Variants in ABCA13 observed in about 807,000 individuals in gnomAD.
ABCA13 encodes ATP binding cassette subfamily A member 13.
ABCA13 carries 476 observed loss-of-function variants against 478.7 expected under a neutral mutation model. That is an observed-to-expected ratio of 0.99 (90% CI 0.92 to 1.07). ABCA13 has a LOEUF of 1.07. ABCA13 is among the 50% of genes least tolerant of loss of function. ABCA13 has a pLI of 0.00. For synonymous variants in ABCA13, 2,252 were observed against 2,158.9 expected (o/e 1.04, Z -1.20); for missense variants, 6,060 against 5,910.6 (o/e 1.03, Z -0.83).
intron 46 of ABCA13, among the ~76,000 whole-genome samples, chr7:48,481,494 T>C (rs1828754294): frequency 6.6e-6 from 1 of 152,230 alleles, no homozygotes. Context: ...GGGGAAATCC[T>C]ATCAATTGAG....
Position 48,528,269 on chromosome 7 carries a change from AAG to A in ABCA13, c.14281_14282del (p.Ser4761HisfsTer9). ...ACTTCTAGGGGTGAATGGAGCTGGGAAGAGCACGACTTTCAAAATGCTGAATG... is the reference window on the plus strand; with the variant it reads ...ACTTCTAGGGGTGAATGGAGCTGGGAAGCACGACTTTCAAAATGCTGAATG... ...FGLLGVNGAG[K>X]STTFKMLNGE... On this transcript the variant is annotated frameshift_variant, in exon 55 of 62. Transcript: ENST00000435803. LOFTEE classifies it high-confidence loss of function. 6.3e-7 allele frequency: 1 copy of A among 1,578,744 alleles called. No homozygotes were observed. Among genetic ancestry groups the A allele is most frequent in the Non-Finnish European group, 8.6e-7 (1 of 1,161,026 alleles).
At chr7:48,632,996 C>A (rs1395458259) in intron 59 of ABCA13, among the ~76,000 whole-genome samples, 1 of 152,166 alleles carries the variant, frequency 6.6e-6, no homozygotes, top group Non-Finnish European at 1.5e-5. Flanking sequence ...AGGGATAAAT[C>A]TTCATGACCT....
At chr7:48,305,854 T>C (rs1370365507) in intron 23 of ABCA13, among the ~76,000 whole-genome samples, 2 of 152,194 alleles carry the variant, frequency 1.3e-5, no homozygotes, top group African/African-American at 4.8e-5. Context: ...TAAGCCCCCT[T>C]ACAGCTTTCC....
At chr7:48,614,494 A>G (rs1792349783) in intron 58 of ABCA13, among the ~76,000 whole-genome samples, 1 of 151,208 alleles carries the variant, frequency 6.6e-6, no homozygotes, top group Non-Finnish European at 1.5e-5. Flanking sequence ...TCAGGGATCT[A>G]GAACTAGAAA....
At chr7:48,487,374 A>G (rs140918473) in intron 47 of ABCA13, among the ~76,000 whole-genome samples, 47 of 152,044 alleles carry the variant, frequency 3.1e-4, no homozygotes, top group Non-Finnish European at 5.6e-4. Context: ...CTCAGAATCT[A>G]CAAAGGGTGA....
At chr7:48,202,342 T>G (rs1378199011) in intron 3 of ABCA13, among the ~76,000 whole-genome samples, 2 of 152,096 alleles carry the variant, frequency 1.3e-5, no homozygotes, top group Non-Finnish European at 2.9e-5. Flanking sequence ...TCAGATTAGT[T>G]AGATACAGAG....
rs1478347623 is a variant in ABCA13 at position 48,244,586 on chromosome 7, C to T, written c.1273C>T (p.Leu425=). Residue 425 remains leucine, a synonymous_variant, in exon 11 of 62, where the codon CTG becomes TTG. Coordinates refer to ENST00000435803, the MANE Select transcript of ABCA13 (RefSeq NM_152701.5). ...NHTFPKILQH[L]WKLQSLLQNL... ...TATTTTTGCCCTCAGATTACAGCATCTGTGGAAATTGCAAAGCTTGCTGCA... is the reference window on the plus strand; with the variant it reads ...TATTTTTGCCCTCAGATTACAGCATTTGTGGAAATTGCAAAGCTTGCTGCA... 4.3e-6 allele frequency: 7 copies of T among 1,613,078 alleles called. No individual in the cohort carries two copies. In the Admixed American group the frequency reaches 8.3e-5, roughly 19 times the overall value.
intron 42 of ABCA13, among the ~76,000 whole-genome samples, chr7:48,433,191 G>A (rs922123843): frequency 6.6e-6 from 1 of 151,842 alleles, no homozygotes; most frequent in East Asian, 1.9e-4. Flanking sequence ...ATCTTTGGAA[G>A]GGTAAAAAGA....
intron 35 of ABCA13, among the ~76,000 whole-genome samples, chr7:48,385,139 T>C (rs1814981474): frequency 6.6e-6 from 1 of 152,170 alleles, no homozygotes; most frequent in Non-Finnish European, 1.5e-5. Context: ...CTTTATGTAT[T>C]TATTTTTTTG....
chr7:48,491,907 C>G (rs941211756), intron 48 of ABCA13, among the ~76,000 whole-genome samples: 27 of 152,164 alleles, frequency 1.8e-4, no homozygotes, highest in Admixed American at 1.2e-3. Context: ...GTGTCTTGCT[C>G]CCTGTTCGTC....
At chr7:48,570,526 T>C (rs1302201693) in intron 55 of ABCA13, among the ~76,000 whole-genome samples, 1 of 151,896 alleles carries the variant, frequency 6.6e-6, no homozygotes, top group Non-Finnish European at 1.5e-5. Context: ...GGTTTCACCA[T>C]GTTAGCCAGG....
intron 59 of ABCA13, among the ~76,000 whole-genome samples, chr7:48,616,904 G>A (rs1792633217): frequency 6.6e-6 from 1 of 152,076 alleles, no homozygotes; most frequent in Non-Finnish European, 1.5e-5. Flanking sequence ...TCCAGGTGTG[G>A]TGGGGTGCAT....
At chr7:48,220,107 A>ATT (rs1419420781) in intron 4 of ABCA13, among the ~76,000 whole-genome samples, 6 of 152,326 alleles carry the variant, frequency 3.9e-5, no homozygotes, top group Non-Finnish European at 7.4e-5. Flanking sequence ...GAACATCCAC[A>ATT]TTATAAATGG....
chr7:48,193,143 GCTGAGTGAAATGAATAGATAGGGTTTCA>G lies in ABCA13; in HGVS notation c.163+92_163+119del, dbSNP rs1020242935. 3.3e-6 allele frequency: 3 copies of G among 907,790 alleles called. No homozygotes were observed. The African/African-American group carries it at 5.1e-5, about 15-fold the overall frequency. 56.2% of individuals were successfully genotyped at this position (907,790 alleles called of 1,614,324 possible). A position where few individuals can be genotyped will look rare whatever the true frequency, so the allele number is the denominator to read the frequency against. ...TTCTTGTTTTTTATAAACTCTGAAT[GCTGAGTGAAATGAATAGATAGGGTTTCA>G]TTATGACAATAACAACATATCTGGA... On this transcript the variant is annotated intron_variant, in intron 2 of 61. Coordinates refer to ENST00000435803, the MANE Select transcript of ABCA13 (RefSeq NM_152701.5).
intron 8 of ABCA13, 53 bp downstream of exon 8, chr7:48,234,204 T>C: frequency 6.2e-7 from 1 of 1,612,536 alleles, no homozygotes; most frequent in Non-Finnish European, 8.5e-7. Flanking sequence ...GGAGACTGGA[T>C]CTAGAGCATG....
chr7:48,225,698 T>G (rs184634263), intron 5 of ABCA13, among the ~76,000 whole-genome samples: 3 of 152,300 alleles, frequency 2.0e-5, no homozygotes, highest in Admixed American at 2.0e-4. Context: ...TGTTCGTGAT[T>G]GCATTTGGGG....
intron 45 of ABCA13, among the ~76,000 whole-genome samples, chr7:48,479,423 A>T (rs1828525201): frequency 6.6e-6 from 1 of 151,994 alleles, no homozygotes. Flanking sequence ...TTTTTATTAG[A>T]GATGGGGTTT....
chr7:48,364,832 C>T (rs2129011821), intron 31 of ABCA13, among the ~76,000 whole-genome samples: 1 of 152,072 alleles, frequency 6.6e-6, no homozygotes, highest in East Asian at 1.9e-4. Context: ...AGGTTGATTC[C>T]ATATCTTAGC....
intron 42 of ABCA13, 24 bp from the exon 43 acceptor site, chr7:48,455,013 C>T (rs1409815618): frequency 6.8e-7 from 1 of 1,475,056 alleles, no homozygotes; most frequent in South Asian, 1.4e-5. Context: ...GACCCAGCCG[C>T]CCTTCCTCCC....
Sources: gnomAD v4.1 joint callset for allele counts (sites outside exome capture counted in the v4.1 genomes callset) on GRCh38, gnomAD v4.1.1 for gene constraint, MANE v1.5 for transcripts, NCBI Gene and HGNC (gene_info 2026-07-23, HGNC 2026-07-21) for gene names.